IL31RA: variants seen among roughly 807,000 people sequenced by gnomAD.
The protein encoded by IL31RA is interleukin 31 receptor A, also known as interleukin-31 receptor subunit alpha.
A neutral mutation model predicts 83.7 loss-of-function variants in IL31RA; 66 were observed. The ratio of observed to expected loss-of-function variants is 0.79; its 90% CI spans 0.65 to 0.97. The LOEUF is 0.97. Among genes scored for constraint, IL31RA ranks in the 50% least tolerant of loss-of-function variants. IL31RA has a pLI of 0.00. For synonymous variants in IL31RA, 325 were observed against 329.0 expected (o/e 0.99, Z 0.13); for missense variants, 798 against 919.4 (o/e 0.87, Z 1.71).
At chr5:55,885,521 G>A (rs891325557) in intron 5 of IL31RA, among the ~76,000 whole-genome samples, 2 of 152,198 alleles carry the variant, frequency 1.3e-5, no homozygotes, top group Admixed American at 6.5e-5. Context: ...TGCACAAAGC[G>A]TGAACTTCCC....
At chr5:55,892,341 G>A (rs1012401871) in intron 6 of IL31RA, among the ~76,000 whole-genome samples, 10 of 152,206 alleles carry the variant, frequency 6.6e-5, no homozygotes, top group Non-Finnish European at 1.0e-4. Context: ...TAGAAAATTA[G>A]ATTTCAGTCT....
Position 55,921,378 on chromosome 5 carries a change from C to T in IL31RA, c.*4258C>T, listed in dbSNP as rs1025074516. 6.6e-6 allele frequency among the ~76,000 whole-genome samples: 1 copy of T among 152,190 alleles called. No homozygotes were observed. The highest frequency in any genetic ancestry group is 6.5e-5 in the Admixed American group (1 of 15,270). ...TGAACATCCATGAAAAACCCCATGGCGGGCCTGCATGGTGTGGTTTGCTAA... is the reference window on the plus strand; with the variant it reads ...TGAACATCCATGAAAAACCCCATGGTGGGCCTGCATGGTGTGGTTTGCTAA... On this transcript the variant is annotated 3_prime_UTR_variant, in exon 15 of 15. Transcript: ENST00000652347.
intron 12 of IL31RA, 32 bp downstream of exon 12, chr5:55,910,704 T>A (rs1404670491): frequency 1.2e-6 from 2 of 1,610,444 alleles, no homozygotes; most frequent in Non-Finnish European, 1.7e-6. Flanking sequence ...TAGGTACCTC[T>A]CCCTCACGTT....
chr5:55,842,847 G>A, the IL31RA span, among the ~76,000 whole-genome samples: 19 of 152,164 alleles, frequency 1.2e-4, no homozygotes. Flanking sequence ...TTCCCTTCCA[G>A]CCTTAGTGTT....
chr5:55,870,967 T>C (rs770441529), intron 3 of IL31RA, among the ~76,000 whole-genome samples: 1 of 152,222 alleles, frequency 6.6e-6, no homozygotes, highest in African/African-American at 2.4e-5. Flanking sequence ...CATGAATAAA[T>C]GCAGAAATAT....
intron 4 of IL31RA, among the ~76,000 whole-genome samples, chr5:55,878,515 A>G (rs932220990): frequency 6.6e-6 from 1 of 152,198 alleles, no homozygotes; most frequent in Non-Finnish European, 1.5e-5. Context: ...TGTTCTTCAT[A>G]GATTAGCTGG....
intron 2 of IL31RA, among the ~76,000 whole-genome samples, chr5:55,861,405 G>A (rs577395749): frequency 7.9e-5 from 12 of 152,264 alleles, no homozygotes; most frequent in South Asian, 4.2e-4. Context: ...AATCAGCAGC[G>A]GCATGAGATT....
intron 2 of IL31RA, among the ~76,000 whole-genome samples, chr5:55,862,255 C>T (rs1033617660): frequency 2.6e-5 from 4 of 152,150 alleles, no homozygotes; most frequent in African/African-American, 2.4e-5. Context: ...CCTTTCTACC[C>T]TCATCCAGTT....
In IL31RA at chr5:55,922,320, C is replaced by A; in HGVS notation, c.*5200C>A. On this transcript the variant is annotated 3_prime_UTR_variant, in exon 15 of 15. Coordinates refer to ENST00000652347, the MANE Select transcript of IL31RA (RefSeq NM_139017.7). ...GGAGGGGCAGAACTCCACAAGAGGG[C>A]AAAACCTGCTGTCAGCAATGCTCTC... The A allele has an allele frequency of 7.6e-7, 1 of 1,323,502 alleles. No homozygotes were observed. Among genetic ancestry groups the A allele is most frequent in the Non-Finnish European group, 1.1e-6 (1 of 939,610 alleles). The allele number at this position is 1,323,502 out of a possible 1,614,324, so 82.0% of individuals were successfully genotyped here.
intron 12 of IL31RA, among the ~76,000 whole-genome samples, chr5:55,911,794 A>G (rs1438178253): frequency 6.6e-6 from 1 of 152,198 alleles, no homozygotes; most frequent in Non-Finnish European, 1.5e-5. Flanking sequence ...CGCTTTTTAG[A>G]TTAAAAATGA....
rs151165536 is a variant in IL31RA, at chr5:55,903,901, A to C, written c.1070-2205A>C. On this transcript the variant is annotated intron_variant, in intron 8 of 14. Coordinates refer to ENST00000652347, the MANE Select transcript of IL31RA (RefSeq NM_139017.7). This position sits in a 1 kb window ranked among gnomAD's most constrained non-coding sequence, Gnocchi z 4.7. The stretch of plus-strand genomic sequence containing the variant: ...CCTGGAGGCCAGAAGTCCCACATCA[A>C]GGTGCTGGTTGGCCATGCTCCCTAA... Among the ~76,000 whole-genome samples the C allele has an allele frequency of 3.5e-3, 531 of 152,310 alleles. 1 individual carries two copies. Among genetic ancestry groups the C allele is most frequent in the Non-Finnish European group, 6.1e-3 (418 of 68,026 alleles).
At chr5:55,850,128 T>G (rs993491325), upstream of IL31RA, among the ~76,000 whole-genome samples, 1 of 152,230 alleles carries the variant, frequency 6.6e-6, no homozygotes, top group Non-Finnish European at 1.5e-5. Context: ...ACTTATTTTT[T>G]TCCTATCTGG....
At chr5:55,855,152 T>A (rs1200422939) in intron 1 of IL31RA, among the ~76,000 whole-genome samples, 3 of 152,010 alleles carry the variant, frequency 2.0e-5, no homozygotes, top group Non-Finnish European at 4.4e-5. Context: ...TGCCATTTTT[T>A]ATTTTTTTAT....
At chr5:55,916,380 C>A (rs1181504398) in intron 14 of IL31RA, among the ~76,000 whole-genome samples, 38 of 144,762 alleles carry the variant, frequency 2.6e-4, no homozygotes, top group Non-Finnish European at 2.6e-4. Flanking sequence ...GACCCTGTCT[C>A]AAAAAAAAAA....
intron 5 of IL31RA, among the ~76,000 whole-genome samples, chr5:55,888,748 C>T (rs1747795345): frequency 6.6e-6 from 1 of 152,162 alleles, no homozygotes; most frequent in Non-Finnish European, 1.5e-5. Flanking sequence ...CACAGCATCT[C>T]CGGGGCCTGT....
At chr5:55,901,715 A>C (rs1748829079) in intron 8 of IL31RA, among the ~76,000 whole-genome samples, 1 of 151,898 alleles carries the variant, frequency 6.6e-6, no homozygotes, top group South Asian at 2.1e-4. Context: ...TCCTAGGTTC[A>C]AGCAATTATC....
chr5:55,871,857 A>G (rs1389798283), intron 3 of IL31RA, among the ~76,000 whole-genome samples: 3 of 139,604 alleles, frequency 2.1e-5, no homozygotes, highest in Non-Finnish European at 3.1e-5. Flanking sequence ...ATCTACCATA[A>G]TGTATTTAAC....
At chr5:55,867,157 TTGTGTGTGTGCA>T (rs1269199332) in intron 2 of IL31RA, among the ~76,000 whole-genome samples, 4 of 55,056 alleles carry the variant, frequency 7.3e-5, no homozygotes, top group East Asian at 1.0e-3. Context: ...GCATGTGTGT[TTGTGTGTGTGCA>T]TGTGTGTGTG....
intron 5 of IL31RA, among the ~76,000 whole-genome samples, chr5:55,888,472 A>G (rs1327689997): frequency 1.3e-5 from 2 of 152,236 alleles, no homozygotes; most frequent in Admixed American, 6.5e-5. Context: ...CAGGCTGAGC[A>G]TGTGCTAAGG....
Sources: gnomAD v4.1 joint callset for allele counts (sites outside exome capture counted in the v4.1 genomes callset) on GRCh38, gnomAD v4.1.1 for gene constraint, Gnocchi (gnomAD v3.1) non-coding constraint, MANE v1.5 for transcripts, NCBI Gene and HGNC (gene_info 2026-07-23, HGNC 2026-07-21) for gene names.